KPNA5: variants seen among roughly 807,000 people sequenced by gnomAD.
KPNA5 encodes the protein karyopherin subunit alpha 5.
KPNA5 carries 46 observed loss-of-function variants against 71.3 expected under a neutral mutation model. The ratio of observed to expected loss-of-function variants is 0.65; its 90% CI spans 0.51 to 0.83. The LOEUF (loss-of-function observed/expected upper bound fraction) is 0.83, where lower values mean the gene tolerates loss of function less well. Among genes scored for constraint, KPNA5 ranks in the 40% least tolerant of loss-of-function variants. KPNA5 has a pLI of 0.00. For synonymous variants in KPNA5, 207 were observed against 201.4 expected, an observed-to-expected ratio of 1.03 and a Z score of -0.24; for missense variants, 547 against 628.3, an observed-to-expected ratio of 0.87 and a Z score of 1.38.
At chr6:116,684,922 C>T (rs549020470) in intron 1 of KPNA5, among the ~76,000 whole-genome samples, 5 of 152,298 alleles carry the variant, frequency 3.3e-5, no homozygotes, top group African/African-American at 9.6e-5. Context: ...AACTCTCATA[C>T]ATTACTGATG....
At position 116,741,400 on chromosome 6, in the gene KPNA5, A is replaced by G. The variant is rs867119700; in HGVS notation, c.*9077A>G. ...ATGAGAATTTGTACATTTATGTGCT[A>G]AAAGTACAGAACAATAGTTGACATT... On this transcript the variant is annotated 3_prime_UTR_variant, in exon 14 of 14. Coordinates refer to ENST00000368564, the MANE Select transcript of KPNA5 (RefSeq NM_001366306.2). 3 of 152,162 alleles carry G rather than the reference A, an allele frequency of 2.0e-5. No homozygotes were observed. Among genetic ancestry groups the G allele is most frequent in the Admixed American group, 6.6e-5 (1 of 15,244 alleles). The allele number at this position is 152,162 out of a possible 1,614,324, so 9.4% of individuals were successfully genotyped here.
intron 7 of KPNA5, among the ~76,000 whole-genome samples, chr6:116,712,503 T>C (rs2114454013): frequency 6.6e-6 from 1 of 152,344 alleles, no homozygotes; most frequent in Non-Finnish European, 1.5e-5. Flanking sequence ...GACAGCATCG[T>C]AGACTTATGG....
At chr6:116,700,435 A>G (rs55695819) in intron 5 of KPNA5, among the ~76,000 whole-genome samples, 27,762 of 151,998 alleles carry the variant, frequency 0.18, 2,690 homozygotes, top group East Asian at 0.3. Flanking sequence ...ACACCACTGC[A>G]CTCCAGCCTG....
Position 116,726,602 on chromosome 6 carries a change from A to G in KPNA5, c.1233A>G (p.Gly411=). Reference sequence around the variant, plus strand: ...GGGCTATAACTAATGCAACATCAGGAGGTACTCCAGAGCAAATAAGGTATG... The same window carrying G: ...GGGCTATAACTAATGCAACATCAGGGGGTACTCCAGAGCAAATAAGGTATG... ...AAWAITNATS[G]GTPEQIRYLV... Residue 411 remains glycine (G), a synonymous_variant, in exon 12 of 14, where the codon GGA becomes GGG. Transcript: ENST00000368564. The G allele has an allele frequency of 1.2e-6, 2 of 1,607,954 alleles. No homozygotes were observed. The highest frequency in any genetic ancestry group is 1.7e-6 in the Non-Finnish European group (2 of 1,177,826).
intron 7 of KPNA5, among the ~76,000 whole-genome samples, chr6:116,708,077 T>A (rs9387432): frequency 0.18 from 28,044 of 152,118 alleles, 2,698 homozygotes; most frequent in East Asian, 0.3. Flanking sequence ...ATAGTGAATG[T>A]ATCAGGATTT....
In KPNA5 at chr6:116,716,131, A is replaced by G. The variant is rs962018364; in HGVS notation, c.657-88A>G. ...TTTGCTAGTTTGAATATCTTATAAA[A>G]TATATTGGAGAGAAATTTTGTATTA... On this transcript the variant is annotated intron_variant, in intron 7 of 13. Coordinates refer to ENST00000368564, the MANE Select transcript of KPNA5 (RefSeq NM_001366306.2). 6.5e-5 allele frequency: 61 copies of G among 936,000 alleles called. No homozygotes were observed. The Middle Eastern group carries it at 1.6e-3, about 25-fold the overall frequency. The allele number at this position is 936,000 out of a possible 1,614,324, so 58.0% of individuals were successfully genotyped here.
At chr6:116,682,590 G>A (rs1399930023) in intron 1 of KPNA5, among the ~76,000 whole-genome samples, 1 of 151,982 alleles carries the variant, frequency 6.6e-6, no homozygotes, top group East Asian at 1.9e-4. Context: ...CTAATGAGGC[G>A]CCCAGCCCCA....
intron 6 of KPNA5, among the ~76,000 whole-genome samples, chr6:116,704,688 C>T (rs1778365774): frequency 1.3e-5 from 2 of 152,068 alleles, no homozygotes; most frequent in African/African-American, 4.8e-5. Context: ...GATCCTGCCA[C>T]CTTAGCCTCC....
At chr6:116,721,174 G>GTT (rs1289949423) in intron 8 of KPNA5, among the ~76,000 whole-genome samples, 5 of 152,036 alleles carry the variant, frequency 3.3e-5, no homozygotes, top group African/African-American at 1.2e-4. Flanking sequence ...AGCAGAGATG[G>GTT]TAACTGCTTT....
At chr6:116,692,232 A>C (rs1317889272) in intron 3 of KPNA5, 61 bp from the exon 4 acceptor site, 7 of 1,415,416 alleles carry the variant, frequency 4.9e-6, no homozygotes, top group South Asian at 1.2e-5. Context: ...ATATTTATGC[A>C]TGCAAAATTA....
intron 6 of KPNA5, among the ~76,000 whole-genome samples, chr6:116,703,798 G>A (rs1188189399): frequency 6.6e-6 from 1 of 152,110 alleles, no homozygotes; most frequent in Non-Finnish European, 1.5e-5. Context: ...AAAGTAACAT[G>A]TCTACTTTTG....
chr6:116,725,872 T>C lies in KPNA5; in HGVS notation c.1121T>C (p.Ile374Thr). The C allele has an allele frequency of 2.5e-6, 4 of 1,612,680 alleles. No homozygotes were observed. Among genetic ancestry groups the C allele is most frequent in the Non-Finnish European group, 3.4e-6 (4 of 1,179,290 alleles). The change falls in exon 11 of 14, where the codon ATT becomes ACT. Residue 374 changes from isoleucine (I) to threonine (T), a missense_variant. Transcript: ENST00000368564. ...ATCACTGCTGGAAATAGAGCTCAGATTCAGGTAACTACCCTTCAGATCTGA... is the reference window on the plus strand; with the variant it reads ...ATCACTGCTGGAAATAGAGCTCAGACTCAGGTAACTACCCTTCAGATCTGA... ...SNITAGNRAQ[I>T]QAVIDANIFP...
intron 7 of KPNA5, among the ~76,000 whole-genome samples, chr6:116,712,064 C>T (rs942418623): frequency 2.0e-5 from 3 of 152,180 alleles, no homozygotes; most frequent in Non-Finnish European, 4.4e-5. Flanking sequence ...GCCTCAGCCT[C>T]CTGAATAGCA....
At chr6:116,689,665 CT>C (rs1272806195) in intron 2 of KPNA5, among the ~76,000 whole-genome samples, 1 of 152,084 alleles carries the variant, frequency 6.6e-6, no homozygotes, top group Non-Finnish European at 1.5e-5. Context: ...ATTGATAAAC[CT>C]GTTGTGTTAA....
chr6:116,692,173 TATGTTTCAAATTA>T lies in KPNA5; in HGVS notation c.240+18_240+30del. On this transcript the variant is annotated intron_variant, in intron 3 of 13. Coordinates refer to ENST00000368564, the MANE Select transcript of KPNA5 (RefSeq NM_001366306.2). ...ATTCCAGAGGTATACTTTACCAAAA[TATGTTTCAAATTA>T]TACCTCAATAATTTTAGCAATAGTA... The T allele has an allele frequency of 1.3e-6, 2 of 1,544,204 alleles. No homozygotes were observed. The highest frequency in any genetic ancestry group is 1.8e-6 in the Non-Finnish European group (2 of 1,123,468).
At chr6:116,714,515 G>A (rs1343519573) in intron 7 of KPNA5, among the ~76,000 whole-genome samples, 1 of 152,124 alleles carries the variant, frequency 6.6e-6, no homozygotes, top group Non-Finnish European at 1.5e-5. Context: ...TAAAAGCGTA[G>A]GTCTCTTCAT....
chr6:116,702,550 C>A (rs1461495139), intron 6 of KPNA5, among the ~76,000 whole-genome samples: 1 of 151,942 alleles, frequency 6.6e-6, no homozygotes, highest in East Asian at 1.9e-4. Flanking sequence ...AGGCGTGGTG[C>A]CACAGCTCCT....
At chr6:116,697,757 A>G (rs190889862) in intron 4 of KPNA5, among the ~76,000 whole-genome samples, 1 of 152,048 alleles carries the variant, frequency 6.6e-6, no homozygotes, top group African/African-American at 2.4e-5. Context: ...TAGGTGGTGG[A>G]TGCAGGGCAA....
intron 4 of KPNA5, among the ~76,000 whole-genome samples, chr6:116,697,010 C>G (rs1406595289): frequency 1.3e-5 from 2 of 151,834 alleles, no homozygotes. Flanking sequence ...TCAATGACCA[C>G]CTCGCCCTAC....
Sources: gnomAD v4.1 joint callset for allele counts (sites outside exome capture counted in the v4.1 genomes callset) on GRCh38, gnomAD v4.1.1 for gene constraint, MANE v1.5 for transcripts, NCBI Gene and HGNC (gene_info 2026-07-23, HGNC 2026-07-21) for gene names.